PLXNA4: variants seen among roughly 807,000 people sequenced by gnomAD.
The protein encoded by PLXNA4 is plexin-A4.
In PLXNA4, 44 loss-of-function variants were observed where a neutral mutation model predicts 191.8. The observed-to-expected ratio is 0.23, with a 90% confidence interval of 0.18 to 0.29. The LOEUF (loss-of-function observed/expected upper bound fraction) is 0.29. Among genes scored for constraint, PLXNA4 ranks in the 10% least tolerant of loss-of-function variants. The pLI is 1.00. For synonymous variants in PLXNA4, 1,082 were observed against 1,009.5 expected, an observed-to-expected ratio of 1.07 and a Z score of -1.36; for missense variants, 1,800 against 2,488.8, an observed-to-expected ratio of 0.72 and a Z score of 5.89.
intron 1 of PLXNA4, among the ~76,000 whole-genome samples, chr7:132,516,730 G>C (rs1485009738): frequency 6.6e-6 from 1 of 152,198 alleles, no homozygotes; most frequent in East Asian, 1.9e-4. Flanking sequence ...GGCCGAGGCA[G>C]GTGGATCACT....
chr7:132,135,866 G>T (rs1795096630), intron 30 of PLXNA4, among the ~76,000 whole-genome samples: 1 of 152,114 alleles, frequency 6.6e-6, no homozygotes, highest in East Asian at 1.9e-4. Context: ...GCACTGGGGA[G>T]GCTGGATCAA....
intron 1 of PLXNA4, among the ~76,000 whole-genome samples, chr7:132,648,119 ACT>A (rs1803919692): frequency 6.6e-6 from 1 of 152,142 alleles, no homozygotes; most frequent in African/African-American, 2.4e-5. Context: ...ACACATATGC[ACT>A]CACACATACA....
At chr7:132,289,229 C>G (rs1800794235) in intron 4 of PLXNA4, among the ~76,000 whole-genome samples, 1 of 152,254 alleles carries the variant, frequency 6.6e-6, no homozygotes, top group African/African-American at 2.4e-5. Context: ...ACAACATGGA[C>G]AGGCCTCCCC....
At chr7:132,190,480 G>A (rs1199144355) in intron 14 of PLXNA4, among the ~76,000 whole-genome samples, 1 of 152,214 alleles carries the variant, frequency 6.6e-6, no homozygotes, top group East Asian at 1.9e-4. Flanking sequence ...AATTACCCAG[G>A]ATCTGTAGCA....
chr7:132,134,769 A>T (rs2671092), intron 30 of PLXNA4, among the ~76,000 whole-genome samples: 5,467 of 152,156 alleles, frequency 0.036, 316 homozygotes, highest in African/African-American at 0.13. Context: ...CCCCCGTCTC[A>T]TTTGTATTTC....
At position 132,128,736 on chromosome 7, in the gene PLXNA4, A is replaced by AG. The variant is rs956359095; in HGVS notation, c.*1742dup. The AG allele has an allele frequency of 6.6e-6, 1 of 152,206 alleles. No homozygotes were observed. The highest frequency in any genetic ancestry group is 1.5e-5 in the Non-Finnish European group (1 of 68,056). 9.4% of individuals were successfully genotyped at this position (152,206 alleles called of 1,614,324 possible). On this transcript the variant is annotated 3_prime_UTR_variant, in exon 32 of 32. Transcript: ENST00000321063. ...TGGAAATGGTGTGGTTTCTTCCCCA[A>AG]GGGGGGCTCATTCTGAGTGGGTGAC...
At chr7:132,288,390 T>G (rs1490675735) in intron 4 of PLXNA4, among the ~76,000 whole-genome samples, 3 of 152,016 alleles carry the variant, frequency 2.0e-5, no homozygotes, top group Non-Finnish European at 2.9e-5. Flanking sequence ...GAGAATGAAG[T>G]GGGAAGTGGG....
intron 2 of PLXNA4, among the ~76,000 whole-genome samples, chr7:132,619,693 T>A (rs1443300686): frequency 6.6e-6 from 1 of 152,266 alleles, no homozygotes; most frequent in Admixed American, 6.5e-5. Context: ...CAAAGATGTG[T>A]GATCAACTAC....
At chr7:132,366,129 C>G (rs1374088781) in intron 3 of PLXNA4, 1 of 152,164 alleles carries the variant, frequency 6.6e-6, no homozygotes, top group Non-Finnish European at 1.5e-5. Flanking sequence ...GTGCAGGAGC[C>G]AGAGGTGAGA....
intron 23 of PLXNA4, among the ~76,000 whole-genome samples, chr7:132,164,892 G>C (rs1796077036): frequency 6.6e-6 from 1 of 152,224 alleles, no homozygotes; most frequent in Non-Finnish European, 1.5e-5. Flanking sequence ...GGCCTCTCAG[G>C]GCTCATCTAT....
At chr7:132,451,329 C>T (rs929075539) in intron 3 of PLXNA4, among the ~76,000 whole-genome samples, 1 of 152,168 alleles carries the variant, frequency 6.6e-6, no homozygotes, top group African/African-American at 2.4e-5. Flanking sequence ...TGCCCTGAGG[C>T]TTCTTGAGGT....
At chr7:132,191,047 A>G (rs1439546933) in intron 14 of PLXNA4, among the ~76,000 whole-genome samples, 1 of 151,386 alleles carries the variant, frequency 6.6e-6, no homozygotes, top group Non-Finnish European at 1.5e-5. Context: ...AACCAAGAGA[A>G]GGAGATAGAG....
intron 3 of PLXNA4, among the ~76,000 whole-genome samples, chr7:132,467,313 G>A (rs1305044708): frequency 2.0e-5 from 3 of 152,188 alleles, no homozygotes; most frequent in Non-Finnish European, 4.4e-5. Flanking sequence ...GTCCGTCACA[G>A]TCCCTCACAG....
At position 132,168,527 on chromosome 7, in the gene PLXNA4, A is replaced by G; in HGVS notation, c.4063T>C (p.Phe1355Leu). 1 of 1,610,028 alleles carries G rather than the reference A, an allele frequency of 6.2e-7. No individual in the cohort carries two copies. The highest frequency in any genetic ancestry group is 1.1e-5 in the South Asian group (1 of 90,382). Residue 1355 changes from phenylalanine to leucine, a missense_variant, in exon 22 of 32, where the codon TTC becomes CTC. Phe to Leu is a conservative substitution (Grantham distance 22). Around this residue, in one of 6 missense-constraint regions of PLXNA4, gnomAD observed 1,397 missense variants for 1,880.4 expected, o/e 0.74. Transcript: ENST00000321063. ...QERVEKGLKL[F>L]AQLINNKVFL... ...ACCTTGTTGTTGATGAGCTGGGCGAAGAGCTTCAGGCCTTTCTCCACACGC... is the reference window on the plus strand; with the variant it reads ...ACCTTGTTGTTGATGAGCTGGGCGAGGAGCTTCAGGCCTTTCTCCACACGC...
intron 2 of PLXNA4, among the ~76,000 whole-genome samples, chr7:132,496,905 AC>A (rs1336085919): frequency 6.6e-6 from 1 of 151,924 alleles, no homozygotes; most frequent in African/African-American, 2.4e-5. Context: ...GCCCCTGACC[AC>A]TCACTTAAGC....
At chr7:132,207,549 C>T (rs1797665844) in intron 10 of PLXNA4, among the ~76,000 whole-genome samples, 1 of 152,250 alleles carries the variant, frequency 6.6e-6, no homozygotes, top group African/African-American at 2.4e-5. Context: ...CCTCCTCCCA[C>T]CAGCTCCTGG....
chr7:132,512,906 T>C (rs1798785068), intron 1 of PLXNA4, among the ~76,000 whole-genome samples: 2 of 152,212 alleles, frequency 1.3e-5, no homozygotes, highest in Non-Finnish European at 2.9e-5. Context: ...TATTAGAAAT[T>C]ACATTCAGCC....
chr7:132,371,543 C>T (rs1198900553), intron 3 of PLXNA4, among the ~76,000 whole-genome samples: 1 of 152,136 alleles, frequency 6.6e-6, no homozygotes, highest in African/African-American at 2.4e-5. Context: ...ATTAATCCTC[C>T]CCCTAGGAGT....
chr7:132,570,510 G>A (rs1444951771), intron 1 of PLXNA4, among the ~76,000 whole-genome samples: 1 of 152,220 alleles, frequency 6.6e-6, no homozygotes, highest in African/African-American at 2.4e-5. Flanking sequence ...GGGAAATCCA[G>A]CTGTGCTCAT....
Sources: gnomAD v4.1 joint callset for allele counts (sites outside exome capture counted in the v4.1 genomes callset) on GRCh38, gnomAD v4.1.1 for gene constraint, gnomAD v4.1.1 regional missense constraint, MANE v1.5 for transcripts, NCBI Gene and HGNC (gene_info 2026-07-23, HGNC 2026-07-21) for gene names.